The following TECTA variants were observed in gnomAD, a reference collection of about 807,000 sequenced individuals.
TECTA encodes tectorin alpha.
A neutral mutation model predicts 216.8 loss-of-function variants in TECTA; 128 were observed. The observed-to-expected ratio is 0.59, with a 90% CI of 0.51 to 0.68. The LOEUF is 0.68. Ranked by LOEUF, TECTA falls within the 30% of genes least tolerant of loss-of-function variation. The pLI is 0.00. For missense variants in TECTA, 2,551 were observed against 2,786.2 expected, an observed-to-expected ratio of 0.92 and a Z score of 1.90; for synonymous variants, 1,089 against 1,117.1, an observed-to-expected ratio of 0.97 and a Z score of 0.50.
In TECTA at chr11:121,118,733, A is replaced by T. The variant is rs532912235; in HGVS notation, c.1203+15A>T. 1 of 1,613,082 alleles carries T rather than the reference A, an allele frequency of 6.2e-7. No homozygotes were observed. The highest frequency in any genetic ancestry group is 1.1e-5 in the South Asian group (1 of 91,006). On this transcript the variant is annotated intron_variant, in intron 7 of 23. Transcript: ENST00000392793. ...GAAGAGTCAAGGTGAGCCCCTTTCT[A>T]TCCTTCACGGGGAAATGGAGAAGCT...
intron 6 of TECTA, among the ~76,000 whole-genome samples, chr11:121,116,224 C>T (rs617692): frequency 0.2 from 30,062 of 152,128 alleles, 3,057 homozygotes; most frequent in East Asian, 0.23. Flanking sequence ...TACCCTCCTC[C>T]CCTACAGAGT....
intron 4 of TECTA, among the ~76,000 whole-genome samples, chr11:121,112,709 C>G (rs936048204): frequency 1.3e-5 from 2 of 152,080 alleles, no homozygotes; most frequent in Non-Finnish European, 2.9e-5. Context: ...TCCTGGTCCC[C>G]GGCCGAGTCT....
At chr11:121,147,683 G>A (rs984859142) in intron 12 of TECTA, among the ~76,000 whole-genome samples, 6 of 152,182 alleles carry the variant, frequency 3.9e-5, no homozygotes, top group Non-Finnish European at 7.3e-5. Context: ...AGGCCTAAAC[G>A]TGGTGCAGAA....
At chr11:121,142,867 C>T (rs928532013) in intron 11 of TECTA, among the ~76,000 whole-genome samples, 7 of 152,000 alleles carry the variant, frequency 4.6e-5, no homozygotes, top group African/African-American at 1.7e-4. Flanking sequence ...GAATCTTGGC[C>T]CTCTGTCATC....
intron 22 of TECTA, 146 bp from the exon 23 acceptor site, chr11:121,189,618 C>T (rs1947322262): frequency 1.4e-6 from 1 of 717,632 alleles, no homozygotes; most frequent in Non-Finnish European, 2.5e-6. Flanking sequence ...GCGTGATCCA[C>T]CCGCCTCGGC....
In TECTA at chr11:121,129,982, G is replaced by A; in HGVS notation, c.2712G>A (p.Lys904=). The change falls in exon 10 of 24, where the codon AAG becomes AAA. Residue 904 remains lysine, a synonymous_variant. Transcript: ENST00000392793. ...KACNNDSELL[K]FYRSRSRCGI... is the part of the protein sequence containing the mutation. ...GCAACAATGACTCGGAGCTGCTCAA[G>A]TTTTATCGAAGCCGCTCCAGGTGCG... is the stretch of plus-strand genomic sequence containing the variant. 1 of 1,605,676 alleles carries A rather than the reference G, an allele frequency of 6.2e-7. No individual in the cohort carries two copies. Among genetic ancestry groups the A allele is most frequent in the South Asian group, 1.1e-5 (1 of 90,140 alleles).
chr11:121,158,030 G>A lies in TECTA; in HGVS notation c.4495G>A (p.Asp1499Asn), dbSNP rs1383385826. Reference sequence around the variant, plus strand: ...CGGCGGCGGCGTCTTCCGCACCTTCGACGGCGCCTTCCTGCGCTTCCCAGC... The same window carrying A: ...CGGCGGCGGCGTCTTCCGCACCTTCAACGGCGCCTTCCTGCGCTTCCCAGC... ...AAGGGVFRTF[D>N]GAFLRFPANC... Residue 1499 changes from aspartate (D) to asparagine (N), a missense_variant, in exon 14 of 24, where the codon GAC (aspartate) becomes AAC (asparagine). Transcript: ENST00000392793. The A allele has an allele frequency of 5.0e-6, 8 of 1,613,076 alleles. No homozygotes were observed. Among genetic ancestry groups the A allele is most frequent in the Non-Finnish European group, 6.8e-6 (8 of 1,179,944 alleles).
chr11:121,108,710 CAT>C (rs959265450), intron 3 of TECTA, among the ~76,000 whole-genome samples: 4 of 150,278 alleles, frequency 2.7e-5, no homozygotes, highest in South Asian at 4.2e-4. Flanking sequence ...TACACACACA[CAT>C]ACCCCCACTC....
Position 121,113,573 on chromosome 11 carries a change from C to A in TECTA, c.645C>A (p.Asn215Lys). Residue 215 changes from asparagine to lysine, a missense_variant, in exon 6 of 24, where the codon AAC becomes AAA. Physicochemically the swap from Asn to Lys is moderately conservative, Grantham distance 94. This residue lies in a region of TECTA where 2,375 missense variants were observed against 2,563.9 expected (regional missense o/e 0.93). Coordinates refer to ENST00000392793, the MANE Select transcript of TECTA (RefSeq NM_005422.4). This position sits in a 1 kb window ranked among gnomAD's most constrained non-coding sequence, Gnocchi z 4.2. The part of the protein sequence containing the change: ...VMAQAGFNGG[N>K]LTNFFSLPGS... Reference sequence around the variant, plus strand: ...TGCAGGCAGGATTTAATGGTGGAAACCTCACCAATTTCTTCAGCCTCCCGG... The same window carrying A: ...TGCAGGCAGGATTTAATGGTGGAAAACTCACCAATTTCTTCAGCCTCCCGG... 3 of 1,613,942 alleles carry A rather than the reference C, an allele frequency of 1.9e-6. No homozygotes were observed. The highest frequency in any genetic ancestry group is 2.5e-6 in the Non-Finnish European group (3 of 1,180,016).
chr11:121,144,335 A>C (rs1274017723), intron 11 of TECTA, among the ~76,000 whole-genome samples: 1 of 152,166 alleles, frequency 6.6e-6, no homozygotes, highest in Non-Finnish European at 1.5e-5. Context: ...ATGGAGGGAC[A>C]ATCCTGGGGC....
At chr11:121,166,217 T>C (rs1042165878) in intron 17 of TECTA, among the ~76,000 whole-genome samples, 26 of 152,188 alleles carry the variant, frequency 1.7e-4, no homozygotes, top group African/African-American at 6.0e-4. Context: ...CTGCTGTCCC[T>C]TGGAGGCATG....
intron 20 of TECTA, among the ~76,000 whole-genome samples, chr11:121,169,673 TC>T (rs1325194495): frequency 1.3e-5 from 2 of 152,184 alleles, no homozygotes; most frequent in Non-Finnish European, 2.9e-5. Flanking sequence ...ATCACCATAA[TC>T]TAATTTTAGA....
chr11:121,160,549 T>TCCAAAGAG, intron 15 of TECTA, 128 bp downstream of exon 15: 1 of 1,342,776 alleles, frequency 7.4e-7, no homozygotes, highest in Non-Finnish European at 1.0e-6. Flanking sequence ...GAGCCAAAGC[T>TCCAAAGAG]CTTTGGAGTT....
In TECTA at chr11:121,119,008, C is replaced by CAAACACACAT. The variant is rs57709992; in HGVS notation, c.1203+291_1203+292insAACACACATA. On this transcript the variant is annotated intron_variant, in intron 7 of 23. Coordinates refer to ENST00000392793, the MANE Select transcript of TECTA (RefSeq NM_005422.4). ...ACACTGATAGGCACACACACACACA[C>CAAACACACAT]ACACACACACACACACACACACACA... is the stretch of plus-strand genomic sequence containing the variant. Among the ~76,000 whole-genome samples, 1,549 of 149,938 alleles carry CAAACACACAT rather than the reference C, an allele frequency of 0.01. 16 individuals are homozygous for CAAACACACAT. Among genetic ancestry groups the CAAACACACAT allele is most frequent in the Non-Finnish European group, 0.014 (956 of 67,538 alleles).
Position 121,129,880 on chromosome 11 carries a change from C to A in TECTA, c.2610C>A (p.Asn870Lys), listed in dbSNP as rs753137016. The A allele has an allele frequency of 6.2e-7, 1 of 1,614,188 alleles. No individual in the cohort carries two copies. The highest frequency in any genetic ancestry group is 8.5e-7 in the Non-Finnish European group (1 of 1,180,024). ...TCCCCAACGGCAAGTGCACGGACAA[C>A]CTGGCAGTGTTCCTGGAAAGCTGGA... is the stretch of plus-strand genomic sequence containing the variant. Reference protein sequence around the residue: ...FCLPNGKCTDNLAVFLESWTT... With the variant: ...FCLPNGKCTDKLAVFLESWTT... The change falls in exon 10 of 24, where the codon AAC (asparagine) becomes AAA (lysine). Residue 870 changes from asparagine (N) to lysine (K), a missense_variant. Coordinates refer to ENST00000392793, the MANE Select transcript of TECTA (RefSeq NM_005422.4).
chr11:121,112,374 G>A (rs749639063), intron 4 of TECTA, among the ~76,000 whole-genome samples: 1 of 152,116 alleles, frequency 6.6e-6, no homozygotes, highest in Admixed American at 6.5e-5. Flanking sequence ...CTCATTTCCC[G>A]CAGTCCCTAG....
At chr11:121,148,918 G>A (rs1456539111) in intron 12 of TECTA, among the ~76,000 whole-genome samples, 1 of 152,218 alleles carries the variant, frequency 6.6e-6, no homozygotes, top group Admixed American at 6.5e-5. Flanking sequence ...TCATTGAGCT[G>A]AGTCTATCAT....
chr11:121,131,606 G>A (rs1191105509), intron 10 of TECTA, among the ~76,000 whole-genome samples: 2 of 152,084 alleles, frequency 1.3e-5, no homozygotes, highest in African/African-American at 2.4e-5. Flanking sequence ...TTTTGTTAGT[G>A]GTTCCAATAA....
At chr11:121,171,386 G>A (rs1408078169) in intron 20 of TECTA, among the ~76,000 whole-genome samples, 4 of 152,076 alleles carry the variant, frequency 2.6e-5, no homozygotes, top group Non-Finnish European at 5.9e-5. Flanking sequence ...TCTTTTTAGT[G>A]AGTATTGCTT....
Sources: allele counts gnomAD v4.1 joint callset (sites outside exome capture counted in the v4.1 genomes callset), GRCh38; gene constraint gnomAD v4.1.1; regional missense constraint gnomAD v4.1.1; non-coding constraint Gnocchi (gnomAD v3.1); transcripts MANE v1.5; gene names NCBI Gene and HGNC (gene_info 2026-07-23, HGNC 2026-07-21).